Variants in CSE1L observed in about 807,000 individuals in gnomAD.
CSE1L encodes the protein exportin-2.
In CSE1L, 24 loss-of-function variants were observed where a neutral mutation model predicts 120.4. That is an observed-to-expected ratio of 0.20 (90% CI 0.14 to 0.28). The LOEUF (loss-of-function observed/expected upper bound fraction) is 0.28, where lower values mean the gene tolerates loss of function less well. Among genes scored for constraint, CSE1L ranks in the 10% least tolerant of loss-of-function variants. The pLI is 1.00. For synonymous variants in CSE1L, 402 were observed against 398.3 expected (o/e 1.01, Z -0.11); for missense variants, 830 against 1,145.2 (o/e 0.72, Z 3.97).
At chr20:49,078,328 A>T (rs1351303473) in intron 13 of CSE1L, among the ~76,000 whole-genome samples, 1 of 152,214 alleles carries the variant, frequency 6.6e-6, no homozygotes, top group Non-Finnish European at 1.5e-5. Context: ...GGTCCAGCTC[A>T]TTTTTACTCA....
chr20:49,075,716 T>C (rs1207289988), intron 12 of CSE1L, among the ~76,000 whole-genome samples, 196 bp downstream of exon 12: 1 of 152,236 alleles, frequency 6.6e-6, no homozygotes, highest in Non-Finnish European at 1.5e-5. Flanking sequence ...AGAAAATTGA[T>C]AGATGGCCAC....
At chr20:49,085,437 A>G in intron 16 of CSE1L, 51 bp downstream of exon 16, 1 of 1,317,248 alleles carries the variant, frequency 7.6e-7, no homozygotes, top group East Asian at 2.3e-5. Context: ...CTCAGATTGT[A>G]AGGGTGAGCA....
chr20:49,047,657 A>G (rs1466668169), intron 1 of CSE1L, among the ~76,000 whole-genome samples: 2 of 125,934 alleles, frequency 1.6e-5, no homozygotes, highest in African/African-American at 6.4e-5. Context: ...ACTCACTGCA[A>G]CCTCCGCCTC....
chr20:49,065,235 T>C (rs2091881674), intron 3 of CSE1L, among the ~76,000 whole-genome samples: 1 of 150,682 alleles, frequency 6.6e-6, no homozygotes, highest in Non-Finnish European at 1.5e-5. Flanking sequence ...TTTGAGGATG[T>C]GTATGGATTA....
At chr20:49,080,245 TG>T (rs2092000755) in intron 14 of CSE1L, among the ~76,000 whole-genome samples, 1 of 151,502 alleles carries the variant, frequency 6.6e-6, no homozygotes, top group Non-Finnish European at 1.5e-5. Context: ...AATATCTGGT[TG>T]TTTTGTTTTT....
intron 24 of CSE1L, among the ~76,000 whole-genome samples, chr20:49,095,676 G>T (rs750901269): frequency 5.3e-5 from 8 of 151,982 alleles, no homozygotes; most frequent in Non-Finnish European, 1.0e-4. Context: ...AATAATGACT[G>T]TATAGTTGCA....
intron 1 of CSE1L, among the ~76,000 whole-genome samples, chr20:49,055,079 T>G (rs1236274597): frequency 2.0e-5 from 3 of 152,240 alleles, no homozygotes; most frequent in Middle Eastern, 3.2e-3. Context: ...TGGGATTTTT[T>G]TTGGATGCAT....
At chr20:49,047,564 CTTTTTT>C (rs59986218) in intron 1 of CSE1L, among the ~76,000 whole-genome samples, 14,327 of 70,098 alleles carry the variant, frequency 0.2, 1,590 homozygotes, top group East Asian at 0.37. Flanking sequence ...TTTCTCTTTT[CTTTTTT>C]TTTTTTTTTT....
At chr20:49,053,050 C>T (rs2091779758) in intron 1 of CSE1L, among the ~76,000 whole-genome samples, 1 of 152,014 alleles carries the variant, frequency 6.6e-6, no homozygotes. Flanking sequence ...TGGCATATGC[C>T]TGTAGTCCCA....
Position 49,072,616 on chromosome 20 carries a change from C to T in CSE1L, c.985C>T (p.His329Tyr), listed in dbSNP as rs1402940708. Residue 329 changes from histidine to tyrosine, a missense_variant, in exon 10 of 25, where the codon CAT becomes TAT. This residue lies in a region of CSE1L where 543 missense variants were observed against 640.2 expected (regional missense o/e 0.85). Coordinates refer to ENST00000262982, the MANE Select transcript of CSE1L (RefSeq NM_001316.4). ...TCTGGCTTCAGTTTGTGAGAGACCT[C>T]ATTATAAGAATCTATTTGAGGACCA... Reference protein sequence around the residue: ...QFLASVCERPHYKNLFEDQNT... With the variant: ...QFLASVCERPYYKNLFEDQNT... 9 of 1,613,664 alleles carry T rather than the reference C, an allele frequency of 5.6e-6. No individual in the cohort carries two copies. Among genetic ancestry groups the T allele is most frequent in the Non-Finnish European group, 7.6e-6 (9 of 1,179,928 alleles).
rs1361715838 is a variant in CSE1L at position 49,085,192 on chromosome 20, CTGAGAAGGG to C, written c.1620-87_1620-79del. On this transcript the variant is annotated intron_variant, in intron 15 of 24. Coordinates refer to ENST00000262982, the MANE Select transcript of CSE1L (RefSeq NM_001316.4). ...TGGTGGGAGATGGCTCAGTTTTATG[CTGAGAAGGG>C]TGACATAGTGGTTGCCAAGGGTAAT... 8.8e-6 allele frequency: 8 copies of C among 905,434 alleles called. No individual in the cohort carries two copies. In the East Asian group the frequency reaches 2.0e-4, roughly 22 times the overall value. The allele number at this position is 905,434 out of a possible 1,614,324, so 56.1% of individuals were successfully genotyped here.
At chr20:49,076,749 T>A (rs2091971642) in intron 12 of CSE1L, among the ~76,000 whole-genome samples, 1 of 151,920 alleles carries the variant, frequency 6.6e-6, no homozygotes, top group Admixed American at 6.6e-5. Flanking sequence ...CAGGCTAGTC[T>A]TGAACTCCTG....
chr20:49,077,006 T>C lies in CSE1L; in HGVS notation c.1362T>C (p.Leu454=). 1 of 1,606,864 alleles carries C rather than the reference T, an allele frequency of 6.2e-7. No individual in the cohort carries two copies. Among genetic ancestry groups the C allele is most frequent in the Non-Finnish European group, 8.5e-7 (1 of 1,177,666 alleles). ...QKHGITQANE[L]VNLTEFFVNH... is the part of the protein sequence containing the mutation. ...ATGGAATTACACAAGCAAATGAACT[T>C]GTAAACCTAACTGAGTTCTTTGTGA... Residue 454 remains leucine (L), a synonymous_variant, in exon 13 of 25, where the codon CTT becomes CTC. Coordinates refer to ENST00000262982, the MANE Select transcript of CSE1L (RefSeq NM_001316.4).
rs145805814 is a variant in CSE1L at position 49,063,343 on chromosome 20, T to G, written c.227T>G (p.Ile76Ser). ...FKNYIKRNWR[I>S]VEDEPNKICE... ...AACTATATTAAAAGGAACTGGAGAA[T>G]TGTAAGTATTTTGTGAATACATAAT... Residue 76 changes from isoleucine (I) to serine (S), a missense_variant and splice_region_variant, in exon 3 of 25, where the codon ATT becomes AGT. By Grantham distance (142) the Ile-to-Ser change is moderately radical. Coordinates refer to ENST00000262982, the MANE Select transcript of CSE1L (RefSeq NM_001316.4). 5.2e-4 allele frequency: 768 copies of G among 1,469,466 alleles called. No individual in the cohort carries two copies. The highest frequency in any genetic ancestry group is 9.2e-4 in the Admixed American group (40 of 43,610). 91.0% of individuals were successfully genotyped at this position (1,469,466 alleles called of 1,614,324 possible).
intron 10 of CSE1L, among the ~76,000 whole-genome samples, chr20:49,073,516 C>T (rs1170017710): frequency 6.6e-6 from 1 of 151,994 alleles, no homozygotes; most frequent in Non-Finnish European, 1.5e-5. Context: ...GACAGGGTCT[C>T]ACTGTGTCAC....
In CSE1L at chr20:49,070,271, T is replaced by C. The variant is rs766585146; in HGVS notation, c.742T>C (p.Leu248=). 14 of 1,442,530 alleles carry C rather than the reference T, an allele frequency of 9.7e-6. 1 individual carries two copies. The African/African-American group carries it at 9.9e-5, about 10-fold the overall frequency. 89.4% of individuals were successfully genotyped at this position (1,442,530 alleles called of 1,614,324 possible). Residue 248 remains leucine (L), a synonymous_variant, in exon 8 of 25, where the codon TTG becomes CTG. Transcript: ENST00000262982. The part of the protein sequence containing the change: ...WMNNFHTLLT[L]DNKLLQTDDE... ...GAATAATTTTCATACTCTCTTAACA[T>C]TGGATAATAAGCTTTTACAAACTGA...
chr20:49,062,363 T>C (rs1003270737), intron 2 of CSE1L, among the ~76,000 whole-genome samples: 5 of 152,092 alleles, frequency 3.3e-5, no homozygotes, highest in African/African-American at 1.2e-4. Context: ...TTTCAAAAAA[T>C]ATTGGAATAT....
chr20:49,047,537 T>G (rs2091725126), intron 1 of CSE1L, among the ~76,000 whole-genome samples: 1 of 149,396 alleles, frequency 6.7e-6, no homozygotes, highest in Non-Finnish European at 1.5e-5. Flanking sequence ...CTTCTTTTGT[T>G]TTCTTTTTCT....
chr20:49,060,963 GTTATATA>G (rs1333996206), intron 2 of CSE1L, among the ~76,000 whole-genome samples: 2 of 152,022 alleles, frequency 1.3e-5, no homozygotes, highest in Non-Finnish European at 2.9e-5. Context: ...GAGAATGTGT[GTTATATA>G]TTATGTATGA....
Sources: gnomAD v4.1 joint callset for allele counts (sites outside exome capture counted in the v4.1 genomes callset) on GRCh38, gnomAD v4.1.1 for gene constraint, gnomAD v4.1.1 regional missense constraint, MANE v1.5 for transcripts, NCBI Gene and HGNC (gene_info 2026-07-23, HGNC 2026-07-21) for gene names.